CNNM1: variants seen among roughly 807,000 people sequenced by gnomAD.
The protein encoded by CNNM1 is metal transporter CNNM1.
CNNM1 carries 44 observed loss-of-function variants against 78.8 expected under a neutral mutation model. That is an observed-to-expected ratio of 0.56 (90% CI 0.44 to 0.72). CNNM1 has a LOEUF of 0.72. Ranked by LOEUF, CNNM1 falls within the 30% of genes least tolerant of loss-of-function variation. The pLI is 0.00. For missense variants in CNNM1, 1,101 were observed against 1,292.2 expected (o/e 0.85, Z 2.27); for synonymous variants, 584 against 581.5 (o/e 1.00, Z -0.06).
At chr10:99,376,526 G>C (rs1186182752) in intron 6 of CNNM1, among the ~76,000 whole-genome samples, 1 of 152,196 alleles carries the variant, frequency 6.6e-6, no homozygotes, top group Admixed American at 6.5e-5. Context: ...TCTGTGCTGT[G>C]ACAGATGGTT....
At chr10:99,388,090 C>T (rs2032363306) in intron 8 of CNNM1, 62 bp from the exon 9 acceptor site, 4 of 1,601,776 alleles carry the variant, frequency 2.5e-6, no homozygotes, top group East Asian at 2.2e-5. Flanking sequence ...CCAGGGCTCA[C>T]ACCACCTGAG....
intron 6 of CNNM1, among the ~76,000 whole-genome samples, chr10:99,365,889 G>A (rs1006141159): frequency 2.6e-5 from 4 of 152,176 alleles, no homozygotes; most frequent in Non-Finnish European, 5.9e-5. Context: ...TGGCAAGGTA[G>A]ATACCATTTT....
In CNNM1 at chr10:99,347,737, C is replaced by T. The variant is rs901829881; in HGVS notation, c.1574-9775C>T. ...TGGCTCCCACTACTTTCCTCTCCCA[C>T]GTTCTACAGCCACCGCATTGGCCTC... On this transcript the variant is annotated intron_variant, in intron 1 of 10. Transcript: ENST00000356713. 3.9e-5 allele frequency among the ~76,000 whole-genome samples: 6 copies of T among 152,096 alleles called. No individual in the cohort carries two copies. The South Asian group carries it at 1.0e-3, about 26-fold the overall frequency.
At position 99,329,506 on chromosome 10, in the gene CNNM1, C is replaced by A; in HGVS notation, c.119C>A (p.Ala40Asp). 1 of 1,509,930 alleles carries A rather than the reference C, an allele frequency of 6.6e-7. No homozygotes were observed. Among genetic ancestry groups the A allele is most frequent in the Non-Finnish European group, 8.8e-7 (1 of 1,135,692 alleles). 93.5% of individuals were successfully genotyped at this position (1,509,930 alleles called of 1,614,324 possible). A position where few individuals can be genotyped will look rare whatever the true frequency, so the allele number is the denominator to read the frequency against. The change falls in exon 1 of 11, where the codon GCC becomes GAC. Residue 40 changes from alanine (A) to aspartate (D), a missense_variant. Ala to Asp is a moderately radical substitution (Grantham distance 126, BLOSUM62 -2). Coordinates refer to ENST00000356713, the MANE Select transcript of CNNM1 (RefSeq NM_020348.3). ...TCTCCTCGGCCCCCGGCCGCCGCCG[C>A]CTGGCTGCTGGGCCTGCGGCCCGAG... Reference protein sequence around the residue: ...SLSPRPPAAAAWLLGLRPEDT... With the variant: ...SLSPRPPAAADWLLGLRPEDT...
chr10:99,357,096 A>G (rs2031247368), intron 1 of CNNM1, among the ~76,000 whole-genome samples: 1 of 152,168 alleles, frequency 6.6e-6, no homozygotes, highest in Non-Finnish European at 1.5e-5. Context: ...TTCAGTGGAG[A>G]TTAAATGATT....
At chr10:99,355,754 A>G (rs1204226012) in intron 1 of CNNM1, among the ~76,000 whole-genome samples, 2 of 152,204 alleles carry the variant, frequency 1.3e-5, no homozygotes, top group Non-Finnish European at 2.9e-5. Flanking sequence ...CAGTTCTGTT[A>G]TCTGTAAAAT....
intron 7 of CNNM1, among the ~76,000 whole-genome samples, chr10:99,381,705 T>A (rs7076399): frequency 0.033 from 4,926 of 150,226 alleles, 129 homozygotes; most frequent in East Asian, 0.083. Flanking sequence ...TCGGCGCCAC[T>A]GCACTCCAGC....
At chr10:99,345,565 A>G (rs927264351) in intron 1 of CNNM1, among the ~76,000 whole-genome samples, 1 of 152,168 alleles carries the variant, frequency 6.6e-6, no homozygotes, top group Non-Finnish European at 1.5e-5. Context: ...TGAGAATGAC[A>G]CCATCTGCCA....
At chr10:99,332,093 C>A (rs2134009946) in intron 1 of CNNM1, among the ~76,000 whole-genome samples, 1 of 152,308 alleles carries the variant, frequency 6.6e-6, no homozygotes, top group Admixed American at 6.5e-5. Flanking sequence ...CCTAGTTCAC[C>A]AGATTTGGCC....
chr10:99,361,671 GC>G (rs1346985002), intron 3 of CNNM1, among the ~76,000 whole-genome samples: 1 of 152,126 alleles, frequency 6.6e-6, no homozygotes, highest in Non-Finnish European at 1.5e-5. Flanking sequence ...ACTTCCCAGA[GC>G]CTATGTTATA....
intron 1 of CNNM1, among the ~76,000 whole-genome samples, chr10:99,343,640 C>T (rs1383565401): frequency 6.6e-6 from 1 of 152,174 alleles, no homozygotes; most frequent in East Asian, 1.9e-4. Context: ...CAGATCCCAG[C>T]ACCTTCGTTG....
Position 99,339,970 on chromosome 10 carries a change from A to T in CNNM1, c.1573+9010A>T, listed in dbSNP as rs2030365876. On this transcript the variant is annotated intron_variant, in intron 1 of 10. Transcript: ENST00000356713. ...TCATTCACAGTTACATTTCACTGTTATAAATAGATGTATTACGTTTTTAAA... is the reference window on the plus strand; with the variant it reads ...TCATTCACAGTTACATTTCACTGTTTTAAATAGATGTATTACGTTTTTAAA... Among the ~76,000 whole-genome samples the T allele has an allele frequency of 2.0e-5, 3 of 152,240 alleles. No individual in the cohort carries two copies. In the South Asian group the frequency reaches 6.2e-4, roughly 32 times the overall value.
At chr10:99,350,009 A>G (rs1265993938) in intron 1 of CNNM1, among the ~76,000 whole-genome samples, 3 of 152,048 alleles carry the variant, frequency 2.0e-5, no homozygotes, top group African/African-American at 4.8e-5. Context: ...AAAACAAAAC[A>G]AAAAAACACA....
At chr10:99,348,270 C>G (rs1448037258) in intron 1 of CNNM1, among the ~76,000 whole-genome samples, 2 of 151,736 alleles carry the variant, frequency 1.3e-5, no homozygotes, top group African/African-American at 4.8e-5. Flanking sequence ...GGTCACAAAC[C>G]CCTGGGCCCA....
intron 1 of CNNM1, among the ~76,000 whole-genome samples, chr10:99,340,886 C>T (rs1167098398): frequency 6.6e-6 from 1 of 150,664 alleles, no homozygotes; most frequent in East Asian, 2.0e-4. Flanking sequence ...TCCTGCCTGC[C>T]TGCCTGCCTG....
At chr10:99,388,102 C>T (rs2032363660) in intron 8 of CNNM1, 50 bp from the exon 9 acceptor site, 11 of 1,608,778 alleles carry the variant, frequency 6.8e-6, no homozygotes, top group South Asian at 6.6e-5. Flanking sequence ...CCACCTGAGC[C>T]CTGGGTCTTC....
intron 1 of CNNM1, among the ~76,000 whole-genome samples, chr10:99,334,191 A>G (rs117467660): frequency 6.6e-6 from 1 of 152,170 alleles, no homozygotes; most frequent in Admixed American, 6.5e-5. Flanking sequence ...CCTTATTAAC[A>G]GTGTTTGGTA....
chr10:99,384,472 C>G (rs979013365), intron 7 of CNNM1, among the ~76,000 whole-genome samples: 1 of 152,028 alleles, frequency 6.6e-6, no homozygotes, highest in African/African-American at 2.4e-5. Flanking sequence ...CAGTGCAGAC[C>G]CTCTCCAGCC....
In CNNM1 at chr10:99,330,963, G is replaced by A; in HGVS notation, c.1573+3G>A. ...GGTTCTGGAGGAGTTTAAGAAGGGT[G>A]AGCAGTAGTCTATCTTCTCCCCCAA... On this transcript the variant is annotated splice_donor_region_variant and intron_variant, in intron 1 of 10. Coordinates refer to ENST00000356713, the MANE Select transcript of CNNM1 (RefSeq NM_020348.3). 2 of 1,605,056 alleles carry A rather than the reference G, an allele frequency of 1.2e-6. No individual in the cohort carries two copies. Among genetic ancestry groups the A allele is most frequent in the South Asian group, 2.2e-5 (2 of 90,186 alleles).
Sources: gnomAD v4.1 joint callset for allele counts (sites outside exome capture counted in the v4.1 genomes callset) on GRCh38, gnomAD v4.1.1 for gene constraint, MANE v1.5 for transcripts, NCBI Gene and HGNC (gene_info 2026-07-23, HGNC 2026-07-21) for gene names.